The following CA8 variants were observed in gnomAD, a reference collection of about 807,000 sequenced individuals.
The protein encoded by CA8 is carbonic anhydrase 8 (inactive).
CA8 carries 22 observed loss-of-function variants against 41.4 expected under a neutral mutation model. The ratio of observed to expected loss-of-function variants is 0.53; its 90% CI spans 0.38 to 0.76. The LOEUF (loss-of-function observed/expected upper bound fraction) is 0.76, where lower values mean the gene tolerates loss of function less well. Ranked by LOEUF, CA8 falls within the 30% of genes least tolerant of loss-of-function variation. The pLI, the probability that CA8 is intolerant of heterozygous loss-of-function variation, is 0.00. For missense variants in CA8, 270 were observed against 352.8 expected, an observed-to-expected ratio of 0.77 and a Z score of 1.88; for synonymous variants, 121 against 130.6, an observed-to-expected ratio of 0.93 and a Z score of 0.50.
At chr8:60,247,392 T>G (rs6471851) in intron 3 of CA8, among the ~76,000 whole-genome samples, 71,720 of 151,704 alleles carry the variant, frequency 0.47, 19,652 homozygotes, top group African/African-American at 0.77. Flanking sequence ...TTGTCCTAAC[T>G]CTCTCCCTCC....
chr8:60,204,771 T>A (rs1226302151), intron 8 of CA8, among the ~76,000 whole-genome samples: 1 of 152,304 alleles, frequency 6.6e-6, no homozygotes, highest in East Asian at 1.9e-4. Flanking sequence ...TGTTAAATTA[T>A]CAGAGGAGAG....
At chr8:60,195,930 G>C (rs545547601) in intron 8 of CA8, among the ~76,000 whole-genome samples, 35 of 152,206 alleles carry the variant, frequency 2.3e-4, no homozygotes, top group South Asian at 1.2e-3. Flanking sequence ...AGAGAAGAGG[G>C]AAACATGCCA....
intron 8 of CA8, among the ~76,000 whole-genome samples, chr8:60,197,692 C>T (rs568634607): frequency 2.6e-5 from 4 of 152,262 alleles, no homozygotes; most frequent in South Asian, 2.1e-4. Flanking sequence ...GTTTGAGAGA[C>T]GTTTGCTGCT....
Position 60,232,034 on chromosome 8 carries a change from A to C in CA8, c.513+250T>G, listed in dbSNP as rs572191719. Among the ~76,000 whole-genome samples, 8 of 152,266 alleles carry C rather than the reference A, an allele frequency of 5.3e-5. No individual in the cohort carries two copies. In the South Asian group the frequency reaches 1.7e-3, roughly 32 times the overall value. ...CTCTACCTTCAGGAGTCATTTTCTA[A>C]ATCATTTCTCCAAAGACCCTGAATG... is the stretch of plus-strand genomic sequence containing the variant. On this transcript the variant is annotated intron_variant, in intron 4 of 8. Coordinates refer to ENST00000317995, the MANE Select transcript of CA8 (RefSeq NM_004056.6).
chr8:60,196,152 T>C (rs192462205), intron 8 of CA8, among the ~76,000 whole-genome samples: 135 of 152,224 alleles, frequency 8.9e-4, no homozygotes, highest in African/African-American at 2.8e-3. Flanking sequence ...GAAAACTATA[T>C]AAAGGTTAAT....
rs916899225 is a variant in CA8 at position 60,186,240 on chromosome 8, T to C, written c.*3781A>G. ...GCTTACAGCATGTATAGATGTAATA[T>C]GTATAACAATAATAGCACAAAAAGG... On this transcript the variant is annotated 3_prime_UTR_variant, in exon 9 of 9. Transcript: ENST00000317995. Among the ~76,000 whole-genome samples, 1 of 151,988 alleles carries C rather than the reference T, an allele frequency of 6.6e-6. No homozygotes were observed. The highest frequency in any genetic ancestry group is 2.4e-5 in the African/African-American group (1 of 41,410).
intron 8 of CA8, among the ~76,000 whole-genome samples, chr8:60,204,136 C>A (rs1180730979): frequency 6.6e-6 from 1 of 152,198 alleles, no homozygotes; most frequent in South Asian, 2.1e-4. Flanking sequence ...GAAATAAATT[C>A]TTTCCTTAGC....
At chr8:60,253,470 A>G (rs1808518039) in intron 3 of CA8, among the ~76,000 whole-genome samples, 1 of 152,012 alleles carries the variant, frequency 6.6e-6, no homozygotes, top group South Asian at 2.1e-4. Context: ...AGCCGACTCC[A>G]TTTATCCTCA....
intron 3 of CA8, among the ~76,000 whole-genome samples, chr8:60,240,086 G>GAC (rs1563363458): frequency 1.3e-5 from 2 of 152,146 alleles, no homozygotes; most frequent in African/African-American, 4.8e-5. Context: ...GTGAGATAAC[G>GAC]AAAGAGGGAC....
intron 4 of CA8, among the ~76,000 whole-genome samples, chr8:60,230,378 G>GA (rs1042201487): frequency 5.2e-4 from 78 of 150,446 alleles, no homozygotes; most frequent in African/African-American, 1.0e-3. Context: ...ATTGCTCAGG[G>GA]AAAAAAAAAT....
Position 60,188,607 on chromosome 8 carries a change from G to A in CA8, c.*1414C>T, listed in dbSNP as rs1806028186. 6.6e-6 allele frequency: 1 copy of A among 152,170 alleles called. No homozygotes were observed. 9.4% of individuals were successfully genotyped at this position (152,170 alleles called of 1,614,324 possible). A position where few individuals can be genotyped will look rare whatever the true frequency, so the allele number is the denominator to read the frequency against. On this transcript the variant is annotated 3_prime_UTR_variant, in exon 9 of 9. Coordinates refer to ENST00000317995, the MANE Select transcript of CA8 (RefSeq NM_004056.6). ...GACACTAGGAACTGTTATACACAAG[G>A]GAAGTCCAGGACCTCTCTCCGCTTT...
At chr8:60,199,482 A>G (rs1187729883) in intron 8 of CA8, among the ~76,000 whole-genome samples, 2 of 152,212 alleles carry the variant, frequency 1.3e-5, no homozygotes, top group Non-Finnish European at 2.9e-5. Context: ...TAAAAGAATG[A>G]GCAATAAGAA....
chr8:60,253,453 C>T (rs1344413963), intron 3 of CA8, among the ~76,000 whole-genome samples: 1 of 152,080 alleles, frequency 6.6e-6, no homozygotes, highest in East Asian at 1.9e-4. Flanking sequence ...TTTCTGAACA[C>T]TCCTCAAGCC....
At chr8:60,264,044 CA>C (rs1024890484) in intron 3 of CA8, among the ~76,000 whole-genome samples, 1 of 152,222 alleles carries the variant, frequency 6.6e-6, no homozygotes, top group African/African-American at 2.4e-5. Context: ...TCTGCAGAAA[CA>C]AAGCCTCACT....
intron 3 of CA8, among the ~76,000 whole-genome samples, chr8:60,253,320 C>CATA (rs1808514574): frequency 2.0e-5 from 3 of 152,284 alleles, no homozygotes; most frequent in Admixed American, 2.0e-4. Flanking sequence ...CAGCTTCCTT[C>CATA]ATAATGGTAC....
In CA8 at chr8:60,187,987, A is replaced by T. The variant is rs1806009873; in HGVS notation, c.*2034T>A. On this transcript the variant is annotated 3_prime_UTR_variant, in exon 9 of 9. Coordinates refer to ENST00000317995, the MANE Select transcript of CA8 (RefSeq NM_004056.6). ...TCATTCCTACAAAAGCGTATTATAA[A>T]CAGTATTCATATTCTGAATCTGAGG... 6.6e-6 allele frequency: 1 copy of T among 152,154 alleles called. No individual in the cohort carries two copies. Among genetic ancestry groups the T allele is most frequent in the Non-Finnish European group, 1.5e-5 (1 of 68,028 alleles). 9.4% of individuals were successfully genotyped at this position (152,154 alleles called of 1,614,324 possible).
In CA8 at chr8:60,251,358, G is replaced by T. The variant is rs115429123; in HGVS notation, c.417+14567C>A. ...TTATGTATAGCCCACTATATGCCAG[G>T]AACTAAAATTCTATTAAAAGTCAAG... On this transcript the variant is annotated intron_variant, in intron 3 of 8. Coordinates refer to ENST00000317995, the MANE Select transcript of CA8 (RefSeq NM_004056.6). Among the ~76,000 whole-genome samples, 701 of 152,252 alleles carry T rather than the reference G, an allele frequency of 4.6e-3. 5 individuals carry two copies. The highest frequency in any genetic ancestry group is 0.016 in the African/African-American group (661 of 41,548).
chr8:60,213,775 T>G (rs1347472955), intron 7 of CA8, among the ~76,000 whole-genome samples: 1 of 152,170 alleles, frequency 6.6e-6, no homozygotes, highest in Non-Finnish European at 1.5e-5. Flanking sequence ...ACTTTTTTTT[T>G]TTTTTACCAT....
Position 60,185,473 on chromosome 8 carries a change from C to T in CA8, c.*4548G>A, listed in dbSNP as rs564938579. 6.6e-6 allele frequency among the ~76,000 whole-genome samples: 1 copy of T among 151,892 alleles called. No homozygotes were observed. Among genetic ancestry groups the T allele is most frequent in the African/African-American group, 2.4e-5 (1 of 41,368 alleles). On this transcript the variant is annotated 3_prime_UTR_variant, in exon 9 of 9. Coordinates refer to ENST00000317995, the MANE Select transcript of CA8 (RefSeq NM_004056.6). Reference sequence around the variant, plus strand: ...AAAAAAAATCATTCATCTACATACCCAAGAAGCTCAACAAATTCCAAGCAG... The same window carrying T: ...AAAAAAAATCATTCATCTACATACCTAAGAAGCTCAACAAATTCCAAGCAG...
Sources: gnomAD v4.1 joint callset for allele counts (sites outside exome capture counted in the v4.1 genomes callset) on GRCh38, gnomAD v4.1.1 for gene constraint, MANE v1.5 for transcripts, NCBI Gene and HGNC (gene_info 2026-07-23, HGNC 2026-07-21) for gene names.